Variants in IRS1 observed in about 807,000 individuals in gnomAD.
The protein encoded by IRS1 is insulin receptor substrate 1.
IRS1 carries 34 observed loss-of-function variants against 65.6 expected under a neutral mutation model. The ratio of observed to expected loss-of-function variants is 0.52; its 90% CI spans 0.39 to 0.69. The LOEUF is 0.69. IRS1 is among the 30% of genes least tolerant of loss of function. The pLI is 0.00. For synonymous variants in IRS1, 699 were observed against 683.5 expected (o/e 1.02, Z -0.35); for missense variants, 1,641 against 1,720.2 (o/e 0.95, Z 0.81).
rs1246128851 is a variant in IRS1 at position 226,734,464 on chromosome 2, T to G, written c.*1808A>C. ...GCCTCAGCAGTGTGAGGGGTTCCAT[T>G]TATCTCCGCTCCCTTTTGAGTAGAG... is the stretch of plus-strand genomic sequence containing the variant. On this transcript the variant is annotated 3_prime_UTR_variant, in exon 2 of 2. Coordinates refer to ENST00000305123, the MANE Select transcript of IRS1 (RefSeq NM_005544.3). The G allele has an allele frequency of 6.6e-6, 1 of 152,192 alleles. No homozygotes were observed. Among genetic ancestry groups the G allele is most frequent in the Non-Finnish European group, 1.5e-5 (1 of 68,074 alleles). 9.4% of individuals were successfully genotyped at this position (152,192 alleles called of 1,614,324 possible).
chr2:226,755,383 G>T (rs866595223), intron 1 of IRS1, among the ~76,000 whole-genome samples: 1 of 152,096 alleles, frequency 6.6e-6, no homozygotes, highest in Non-Finnish European at 1.5e-5. Context: ...AAACAATGAC[G>T]TTAACGTTAA....
chr2:226,785,678 A>C (rs1203607279), intron 1 of IRS1, among the ~76,000 whole-genome samples: 1 of 152,188 alleles, frequency 6.6e-6, no homozygotes, highest in African/African-American at 2.4e-5. Context: ...TTGAAAAACC[A>C]GATCATTTTT....
chr2:226,781,292 C>T (rs1939376798), intron 1 of IRS1, among the ~76,000 whole-genome samples: 1 of 152,096 alleles, frequency 6.6e-6, no homozygotes, highest in African/African-American at 2.4e-5. Context: ...AGAGTTGTTC[C>T]TAAACAACTT....
chr2:226,776,591 T>C (rs1351094037), intron 1 of IRS1, among the ~76,000 whole-genome samples: 2 of 152,066 alleles, frequency 1.3e-5, no homozygotes, highest in Admixed American at 6.5e-5. Context: ...CCTATCAAGG[T>C]GATGAAATGG....
intron 1 of IRS1, among the ~76,000 whole-genome samples, chr2:226,744,728 C>A (rs1419873311): frequency 3.3e-5 from 5 of 152,156 alleles, no homozygotes; most frequent in Admixed American, 1.3e-4. Flanking sequence ...CATCCCCTCA[C>A]CCCCAGCCAT....
chr2:226,780,918 C>G (rs1189101265), intron 1 of IRS1, among the ~76,000 whole-genome samples: 1 of 152,200 alleles, frequency 6.6e-6, no homozygotes, highest in Non-Finnish European at 1.5e-5. Context: ...AGACTCTTCC[C>G]TGAACTGTTG....
chr2:226,780,925 G>A (rs1205788187), intron 1 of IRS1, among the ~76,000 whole-genome samples: 4 of 152,190 alleles, frequency 2.6e-5, no homozygotes, highest in Non-Finnish European at 4.4e-5. Flanking sequence ...TCCCTGAACT[G>A]TTGATAAATA....
Position 226,799,570 on chromosome 2 carries a change from G to A in IRS1, c.-832C>T. The A allele has an allele frequency of 3.8e-6, 4 of 1,047,448 alleles. No homozygotes were observed. The highest frequency in any genetic ancestry group is 1.1e-4 in the East Asian group (1 of 9,172). The allele number at this position is 1,047,448 out of a possible 1,614,324, so 64.9% of individuals were successfully genotyped here. A position where few individuals can be genotyped will look rare whatever the true frequency, so the allele number is the denominator to read the frequency against. ...GCTGGGGAGGAGGGGAGGGGACAAG[G>A]GCGAGAGGGGATGGGGGAGGTTTGG... is the stretch of plus-strand genomic sequence containing the variant. On this transcript the variant is annotated 5_prime_UTR_variant, in exon 1 of 2. Transcript: ENST00000305123. The surrounding 1 kb of genome is among the most constrained non-coding windows in gnomAD (Gnocchi z 6.1).
In IRS1 at chr2:226,751,724, T is replaced by G. The variant is rs538818093; in HGVS notation, c.*22-15474A>C. Among the ~76,000 whole-genome samples, 16 of 152,140 alleles carry G rather than the reference T, an allele frequency of 1.1e-4. No homozygotes were observed. In the East Asian group the frequency reaches 3.1e-3, roughly 29 times the overall value. On this transcript the variant is annotated intron_variant, in intron 1 of 1. Coordinates refer to ENST00000305123, the MANE Select transcript of IRS1 (RefSeq NM_005544.3). ...TATCTCTTTACAAAATGAATGCGGG[T>G]GACTCTGACACCTGAGAGGCTCAGT...
intron 1 of IRS1, among the ~76,000 whole-genome samples, chr2:226,780,235 A>G (rs943894118): frequency 6.6e-6 from 1 of 152,064 alleles, no homozygotes; most frequent in Non-Finnish European, 1.5e-5. Context: ...TACTAAAAAT[A>G]CAAAAAATTA....
At position 226,796,130 on chromosome 2, in the gene IRS1, G is replaced by A. The variant is rs749733185; in HGVS notation, c.2609C>T (p.Thr870Ile). The A allele has an allele frequency of 2.5e-6, 4 of 1,613,696 alleles. No individual in the cohort carries two copies. The highest frequency in any genetic ancestry group is 3.4e-6 in the Non-Finnish European group (4 of 1,180,026). The stretch of plus-strand genomic sequence containing the variant: ...CTGCTGCTCTCGGGCCCGAGGTAAG[G>A]TGCTGGCCTTGGGATCCCCCAGGGA... ...RLSLGDPKAS[T>I]LPRAREQQQQ... Residue 870 changes from threonine (T) to isoleucine (I), a missense_variant, in exon 1 of 2, where the codon ACC (threonine) becomes ATC (isoleucine). Transcript: ENST00000305123.
At position 226,795,057 on chromosome 2, in the gene IRS1, C is replaced by T. The variant is rs150039193; in HGVS notation, c.3682G>A (p.Ala1228Thr). The change falls in exon 1 of 2, where the codon GCC becomes ACC. Residue 1228 changes from alanine (A) to threonine (T), a missense_variant. Around this residue, in one of 3 missense-constraint regions of IRS1, gnomAD observed 1,324 missense variants for 1,361.0 expected, o/e 0.97. Coordinates refer to ENST00000305123, the MANE Select transcript of IRS1 (RefSeq NM_005544.3). ...STRRSSEDLSAYASISFQKQP... is the reference protein window; with the variant it reads ...STRRSSEDLSTYASISFQKQP... Reference sequence around the variant, plus strand: ...TTCTGGAAACTGATGCTGGCATAGGCGCTTAAATCCTCACTTGAGCGGCGG... The same window carrying T: ...TTCTGGAAACTGATGCTGGCATAGGTGCTTAAATCCTCACTTGAGCGGCGG... The T allele has an allele frequency of 8.7e-6, 14 of 1,608,850 alleles. No individual in the cohort carries two copies. Among genetic ancestry groups the T allele is most frequent in the African/African-American group, 5.4e-5 (4 of 73,656 alleles).
intron 1 of IRS1, among the ~76,000 whole-genome samples, chr2:226,756,311 C>T (rs1938799999): frequency 6.6e-6 from 1 of 152,122 alleles, no homozygotes; most frequent in African/African-American, 2.4e-5. Context: ...AACATATATG[C>T]TCCTTTGAAG....
At chr2:226,791,666 C>T (rs1328732976) in intron 1 of IRS1, among the ~76,000 whole-genome samples, 1 of 151,660 alleles carries the variant, frequency 6.6e-6, no homozygotes, top group Non-Finnish European at 1.5e-5. Flanking sequence ...AGGGGACCCG[C>T]GGAGAGCCCC....
At chr2:226,742,480 G>A (rs774611150) in intron 1 of IRS1, among the ~76,000 whole-genome samples, 3 of 152,190 alleles carry the variant, frequency 2.0e-5, no homozygotes, top group Non-Finnish European at 4.4e-5. Flanking sequence ...TAATGGAGCT[G>A]CTTAAATAGC....
chr2:226,740,073 C>G (rs914685466), intron 1 of IRS1, among the ~76,000 whole-genome samples: 4 of 152,134 alleles, frequency 2.6e-5, no homozygotes, highest in Admixed American at 6.5e-5. Flanking sequence ...TTGTAACAGG[C>G]AGAAACTGGA....
chr2:226,740,450 T>C (rs912507499), intron 1 of IRS1, among the ~76,000 whole-genome samples: 8 of 152,202 alleles, frequency 5.3e-5, no homozygotes, highest in Admixed American at 1.3e-4. Context: ...TTCTGGGTTC[T>C]ACCCACTTAA....
intron 1 of IRS1, among the ~76,000 whole-genome samples, chr2:226,790,909 T>G (rs1939580090): frequency 6.6e-6 from 1 of 152,128 alleles, no homozygotes; most frequent in Non-Finnish European, 1.5e-5. Context: ...TGACGGGCTG[T>G]CACTGGGACT....
chr2:226,745,844 A>G (rs1337704452), intron 1 of IRS1, among the ~76,000 whole-genome samples: 1 of 152,246 alleles, frequency 6.6e-6, no homozygotes, highest in East Asian at 1.9e-4. Context: ...CCAGGCAAGG[A>G]CTGAATCAGA....
Sources: allele counts gnomAD v4.1 joint callset (sites outside exome capture counted in the v4.1 genomes callset), GRCh38; gene constraint gnomAD v4.1.1; regional missense constraint gnomAD v4.1.1; non-coding constraint Gnocchi (gnomAD v3.1); transcripts MANE v1.5; gene names NCBI Gene and HGNC (gene_info 2026-07-23, HGNC 2026-07-21).